OR6C74: variants seen among roughly 807,000 people sequenced by gnomAD.
OR6C74 encodes olfactory receptor family 6 subfamily C member 74, also known as olfactory receptor 6C74.
For missense variants in OR6C74, 361 were observed against 362.9 expected (o/e 0.99, Z 0.04); for synonymous variants, 142 against 134.2 (o/e 1.06, Z -0.40).
In OR6C74 at chr12:55,249,629, G is replaced by A. The variant is rs931080521; in HGVS notation, c.*1403G>A. On this transcript the variant is annotated 3_prime_UTR_variant, in exon 2 of 2. Transcript: ENST00000343399. ...AAATAGACTTTTCAATAGTGGTCAT[G>A]TATGTGTAAATGGTTTTTATAATAC... Among the ~76,000 whole-genome samples the A allele has an allele frequency of 6.6e-6, 1 of 152,062 alleles. No individual in the cohort carries two copies. Among genetic ancestry groups the A allele is most frequent in the African/African-American group, 2.4e-5 (1 of 41,410 alleles).
intron 1 of OR6C74, among the ~76,000 whole-genome samples, chr12:55,246,139 A>T (rs1253796368): frequency 6.6e-6 from 1 of 152,208 alleles, no homozygotes; most frequent in Non-Finnish European, 1.5e-5. Context: ...TTGTCAGGTG[A>T]TAAACGTGAG....
At position 55,248,033 on chromosome 12, in the gene OR6C74, C is replaced by T. The variant is rs1954286761; in HGVS notation, c.746C>T (p.Ser249Phe). 10 of 1,613,940 alleles carry T rather than the reference C, an allele frequency of 6.2e-6. No homozygotes were observed. Among genetic ancestry groups the T allele is most frequent in the Non-Finnish European group, 8.5e-6 (10 of 1,180,002 alleles). ...TCCCACATGGTGGTCGTGTCCATTT[C>T]TTATGGCAGCTGCATCTTCATGTAT... ...CSSHMVVVSI[S>F]YGSCIFMYVK... is the part of the protein sequence containing the mutation. Residue 249 changes from serine (S) to phenylalanine (F), a missense_variant, in exon 2 of 2, where the codon TCT (serine) becomes TTT (phenylalanine). Physicochemically the swap from Ser to Phe is radical, Grantham distance 155. Transcript: ENST00000343399.
chr12:55,249,012 C>T lies in OR6C74; in HGVS notation c.*786C>T, dbSNP rs190616381. ...AACAAAAATAAATACCCAAGGATGA[C>T]AAAAATGATGCCTTCATGTCCACTC... On this transcript the variant is annotated 3_prime_UTR_variant, in exon 2 of 2. Coordinates refer to ENST00000343399, the MANE Select transcript of OR6C74 (RefSeq NM_001005490.2). 1.2e-3 allele frequency among the ~76,000 whole-genome samples: 176 copies of T among 152,200 alleles called. 1 individual carries two copies. Among genetic ancestry groups the T allele is most frequent in the Non-Finnish European group, 3.7e-4 (25 of 67,974 alleles).
intron 1 of OR6C74, among the ~76,000 whole-genome samples, chr12:55,247,046 T>G (rs1293210468): frequency 1.3e-5 from 2 of 152,078 alleles, no homozygotes; most frequent in Non-Finnish European, 2.9e-5. Flanking sequence ...CAACATATTA[T>G]CCCTTCGCAA....
Position 55,248,799 on chromosome 12 carries a change from G to T in OR6C74, c.*573G>T, listed in dbSNP as rs1160905003. 6.6e-6 allele frequency among the ~76,000 whole-genome samples: 1 copy of T among 152,156 alleles called. No individual in the cohort carries two copies. The highest frequency in any genetic ancestry group is 1.5e-5 in the Non-Finnish European group (1 of 68,016). Reference sequence around the variant, plus strand: ...AATAAATGAAAGAAACTTCAGAGAGGTTAAAGCATTACTGCTATTGCAGCT... The same window carrying T: ...AATAAATGAAAGAAACTTCAGAGAGTTTAAAGCATTACTGCTATTGCAGCT... On this transcript the variant is annotated 3_prime_UTR_variant, in exon 2 of 2. Transcript: ENST00000343399.
rs1433418009 is a variant in OR6C74, at chr12:55,248,761, G to C, written c.*535G>C. On this transcript the variant is annotated 3_prime_UTR_variant, in exon 2 of 2. Coordinates refer to ENST00000343399, the MANE Select transcript of OR6C74 (RefSeq NM_001005490.2). Reference sequence around the variant, plus strand: ...TTTTTTAACCAGGCTTAGAGATATAGTATACTCTCAGAAATAAATGAAAGA... The same window carrying C: ...TTTTTTAACCAGGCTTAGAGATATACTATACTCTCAGAAATAAATGAAAGA... Among the ~76,000 whole-genome samples, 1 of 152,126 alleles carries C rather than the reference G, an allele frequency of 6.6e-6. No homozygotes were observed. The highest frequency in any genetic ancestry group is 2.4e-5 in the African/African-American group (1 of 41,432).
chr12:55,256,344 G>A lies in OR6C74; in HGVS notation c.*8118G>A, dbSNP rs373529789. 6.6e-6 allele frequency among the ~76,000 whole-genome samples: 1 copy of A among 151,948 alleles called. No homozygotes were observed. The highest frequency in any genetic ancestry group is 2.4e-5 in the African/African-American group (1 of 41,366). On this transcript the variant is annotated 3_prime_UTR_variant, in exon 2 of 2. Transcript: ENST00000343399. Reference sequence around the variant, plus strand: ...GCCACAGCTCTTCTAGGCCTCTTTGGGGGTAAGGCATACTCCCTTCTGATA... The same window carrying A: ...GCCACAGCTCTTCTAGGCCTCTTTGAGGGTAAGGCATACTCCCTTCTGATA...
chr12:55,254,195 TTACAA>T lies in OR6C74; in HGVS notation c.*5973_*5977del, dbSNP rs767742574. 1.2e-4 allele frequency among the ~76,000 whole-genome samples: 18 copies of T among 152,072 alleles called. No homozygotes were observed. The highest frequency in any genetic ancestry group is 1.8e-4 in the Non-Finnish European group (12 of 67,968). ...TTCCATCTTCATTTCAAACCAGTGG[TTACAA>T]TACTTTTTAAAGCTGCTAGCAAATA... is the stretch of plus-strand genomic sequence containing the variant. On this transcript the variant is annotated 3_prime_UTR_variant, in exon 2 of 2. Transcript: ENST00000343399.
intron 1 of OR6C74, 71 bp from the exon 2 acceptor site, chr12:55,247,208 C>CAAAA: frequency 1.2e-6 from 1 of 830,246 alleles, no homozygotes. Context: ...TGGTGGATTT[C>CAAAA]AAGAAAAATG....
At position 55,253,502 on chromosome 12, in the gene OR6C74, G is replaced by A. The variant is rs1954324222; in HGVS notation, c.*5276G>A. ...GTTTTCCACTTGGCCCTGAATATAT[G>A]TGTTTTAACTGTATGCACAGGACAA... On this transcript the variant is annotated 3_prime_UTR_variant, in exon 2 of 2. Transcript: ENST00000343399. 6.6e-6 allele frequency among the ~76,000 whole-genome samples: 1 copy of A among 152,060 alleles called. No individual in the cohort carries two copies. Among genetic ancestry groups the A allele is most frequent in the African/African-American group, 2.4e-5 (1 of 41,430 alleles).
At position 55,256,166 on chromosome 12, in the gene OR6C74, G is replaced by A. The variant is rs1954343387; in HGVS notation, c.*7940G>A. On this transcript the variant is annotated 3_prime_UTR_variant, in exon 2 of 2. Coordinates refer to ENST00000343399, the MANE Select transcript of OR6C74 (RefSeq NM_001005490.2). ...AGCCTACGAACGGACATGCAGTCAG[G>A]GAGGTTTCACATCACCAAGATTCCT... Among the ~76,000 whole-genome samples the A allele has an allele frequency of 1.3e-5, 2 of 152,204 alleles. No individual in the cohort carries two copies. Among genetic ancestry groups the A allele is most frequent in the Admixed American group, 1.3e-4 (2 of 15,272 alleles).
intron 1 of OR6C74, among the ~76,000 whole-genome samples, chr12:55,246,486 C>T (rs1954270746): frequency 6.6e-6 from 1 of 152,184 alleles, no homozygotes; most frequent in African/African-American, 2.4e-5. Flanking sequence ...TTCCAAGTAG[C>T]TGGGATTACA....
rs886922573 is a variant in OR6C74 at position 55,250,121 on chromosome 12, G to A, written c.*1895G>A. ...AGTTGACTCAAAATGTTTGGAATCT[G>A]ACAAAAAGTCTGATCTGGAATATCT... On this transcript the variant is annotated 3_prime_UTR_variant, in exon 2 of 2. Coordinates refer to ENST00000343399, the MANE Select transcript of OR6C74 (RefSeq NM_001005490.2). 6.6e-6 allele frequency among the ~76,000 whole-genome samples: 1 copy of A among 152,026 alleles called. No individual in the cohort carries two copies. Among genetic ancestry groups the A allele is most frequent in the Non-Finnish European group, 1.5e-5 (1 of 67,982 alleles).
Position 55,255,871 on chromosome 12 carries a change from A to G in OR6C74, c.*7645A>G. Reference sequence around the variant, plus strand: ...GAGATAAATTTATAGAGAAAGTAACATATCAGTGGTTGCCAGGACTTTGTT... The same window carrying G: ...GAGATAAATTTATAGAGAAAGTAACGTATCAGTGGTTGCCAGGACTTTGTT... On this transcript the variant is annotated 3_prime_UTR_variant, in exon 2 of 2. Transcript: ENST00000343399. 6.6e-6 allele frequency among the ~76,000 whole-genome samples: 1 copy of G among 152,150 alleles called. No homozygotes were observed. The highest frequency in any genetic ancestry group is 1.5e-5 in the Non-Finnish European group (1 of 68,008).
At position 55,248,988 on chromosome 12, in the gene OR6C74, A is replaced by G. The variant is rs1311312038; in HGVS notation, c.*762A>G. Among the ~76,000 whole-genome samples, 3 of 152,228 alleles carry G rather than the reference A, an allele frequency of 2.0e-5. No individual in the cohort carries two copies. Among genetic ancestry groups the G allele is most frequent in the African/African-American group, 7.2e-5 (3 of 41,470 alleles). ...AGGATTAAATAATTTGTTGATGACA[A>G]CAAAAATAAATACCCAAGGATGACA... On this transcript the variant is annotated 3_prime_UTR_variant, in exon 2 of 2. Transcript: ENST00000343399.
Position 55,253,023 on chromosome 12 carries a change from T to C in OR6C74, c.*4797T>C, listed in dbSNP as rs1954321211. On this transcript the variant is annotated 3_prime_UTR_variant, in exon 2 of 2. Coordinates refer to ENST00000343399, the MANE Select transcript of OR6C74 (RefSeq NM_001005490.2). ...TCTCAGGATCTCAGGTGGAAGTCTGTACCAAAACAATCCTTGGCCTGTGGG... is the reference window on the plus strand; with the variant it reads ...TCTCAGGATCTCAGGTGGAAGTCTGCACCAAAACAATCCTTGGCCTGTGGG... Among the ~76,000 whole-genome samples the C allele has an allele frequency of 6.6e-6, 1 of 152,004 alleles. No individual in the cohort carries two copies. The highest frequency in any genetic ancestry group is 1.5e-5 in the Non-Finnish European group (1 of 67,940).
Position 55,247,990 on chromosome 12 carries a change from G to A in OR6C74, c.703G>A (p.Ala235Thr), listed in dbSNP as rs780284853. Residue 235 changes from alanine (A) to threonine (T), a missense_variant, in exon 2 of 2, where the codon GCA becomes ACA. Transcript: ENST00000343399. ...ACCTTCTTCTCAACAGAGAAAAAAA[G>A]CATTTTCTACATGTTCTTCCCACAT... ...KIPSSQQRKK[A>T]FSTCSSHMVV... 6.2e-7 allele frequency: 1 copy of A among 1,613,784 alleles called. No individual in the cohort carries two copies. Among genetic ancestry groups the A allele is most frequent in the Non-Finnish European group, 8.5e-7 (1 of 1,179,792 alleles).
Position 55,248,246 on chromosome 12 carries a change from T to A in OR6C74, c.*20T>A. On this transcript the variant is annotated 3_prime_UTR_variant, in exon 2 of 2. Coordinates refer to ENST00000343399, the MANE Select transcript of OR6C74 (RefSeq NM_001005490.2). The stretch of plus-strand genomic sequence containing the variant: ...AAATGAATCACTTTAACGATATTAT[T>A]AAGGTTATTAGTAAAATAAAACAAG... 1 of 1,469,856 alleles carries A rather than the reference T, an allele frequency of 6.8e-7. No homozygotes were observed. Among genetic ancestry groups the A allele is most frequent in the Non-Finnish European group, 9.4e-7 (1 of 1,064,946 alleles). The allele number at this position is 1,469,856 out of a possible 1,614,324, so 91.1% of individuals were successfully genotyped here.
Position 55,253,290 on chromosome 12 carries a change from A to G in OR6C74, c.*5064A>G, listed in dbSNP as rs1029240493. Among the ~76,000 whole-genome samples, 1 of 152,084 alleles carries G rather than the reference A, an allele frequency of 6.6e-6. No homozygotes were observed. Among genetic ancestry groups the G allele is most frequent in the African/African-American group, 2.4e-5 (1 of 41,434 alleles). On this transcript the variant is annotated 3_prime_UTR_variant, in exon 2 of 2. Transcript: ENST00000343399. Reference sequence around the variant, plus strand: ...ACTACCTAATTTAACTTATGGGTTCATTATCATCTGCTAAAATTTATCTGT... The same window carrying G: ...ACTACCTAATTTAACTTATGGGTTCGTTATCATCTGCTAAAATTTATCTGT...
Sources: gnomAD v4.1 joint callset for allele counts (sites outside exome capture counted in the v4.1 genomes callset) on GRCh38, gnomAD v4.1.1 for gene constraint, MANE v1.5 for transcripts, NCBI Gene and HGNC (gene_info 2026-07-23, HGNC 2026-07-21) for gene names.